The following SCP2 variants were observed in gnomAD, a reference collection of about 807,000 sequenced individuals.
SCP2 encodes SCP-2/3-oxoacyl-CoA thiolase.
Under a neutral mutation model 71.4 loss-of-function variants are expected in SCP2, and 48 were observed. The observed-to-expected ratio is 0.67, with a 90% CI of 0.53 to 0.86. The LOEUF is 0.86. Among genes scored for constraint, SCP2 ranks in the 40% least tolerant of loss-of-function variants. The pLI, the probability that SCP2 is intolerant of heterozygous loss-of-function variation, is 0.00. For missense variants in SCP2, 560 were observed against 655.6 expected, an observed-to-expected ratio of 0.85 and a Z score of 1.59; for synonymous variants, 220 against 218.1, an observed-to-expected ratio of 1.01 and a Z score of -0.08.
At chr1:52,971,863 G>A (rs896678781) in intron 6 of SCP2, among the ~76,000 whole-genome samples, 6 of 152,206 alleles carry the variant, frequency 3.9e-5, no homozygotes, top group Non-Finnish European at 7.3e-5. Context: ...GAAAGGTGGA[G>A]GAAGTTAAAG....
chr1:52,990,578 CAA>C (rs1659388131), intron 11 of SCP2, among the ~76,000 whole-genome samples: 2 of 151,658 alleles, frequency 1.3e-5, no homozygotes, highest in African/African-American at 2.4e-5. Flanking sequence ...ACTAAAAATA[CAA>C]AAAGTTAGCC....
rs74363525 is a variant in SCP2, at chr1:53,039,953, C to T, written c.1468+907C>T. Among the ~76,000 whole-genome samples, 945 of 152,306 alleles carry T rather than the reference C, an allele frequency of 6.2e-3. 15 individuals are homozygous for T. Among genetic ancestry groups the T allele is most frequent in the African/African-American group, 0.022 (908 of 41,560 alleles). On this transcript the variant is annotated intron_variant, in intron 14 of 15. Transcript: ENST00000371514. ...ATTTCTTCTCCCCTCTAAGTATGTA[C>T]TCCTCCTGCTGTTGCAATTGGTAAA...
intron 2 of SCP2, among the ~76,000 whole-genome samples, chr1:52,942,613 GA>G (rs1346895348): frequency 1.4e-5 from 2 of 146,830 alleles, no homozygotes; most frequent in Non-Finnish European, 3.0e-5. Flanking sequence ...TATATATAAA[GA>G]ATTTTTTTTT....
At chr1:52,981,088 C>T (rs770000980) in intron 10 of SCP2, among the ~76,000 whole-genome samples, 11 of 152,116 alleles carry the variant, frequency 7.2e-5, no homozygotes, top group East Asian at 3.9e-4. Context: ...CCTGCCAACA[C>T]GCCCGGCTAA....
intron 1 of SCP2, among the ~76,000 whole-genome samples, chr1:52,932,855 C>G (rs1239349122): frequency 1.3e-5 from 2 of 151,900 alleles, no homozygotes; most frequent in Non-Finnish European, 2.9e-5. Context: ...TACTTCATCC[C>G]TTGGTGCTTG....
intron 13 of SCP2, among the ~76,000 whole-genome samples, chr1:53,030,488 T>C (rs1662457894): frequency 6.6e-6 from 1 of 152,152 alleles, no homozygotes; most frequent in Admixed American, 6.6e-5. Context: ...TGACTATTTT[T>C]TCCTTTTAAA....
At chr1:53,048,005 A>G in intron 15 of SCP2, 68 bp downstream of exon 15, 3 of 1,077,998 alleles carry the variant, frequency 2.8e-6, no homozygotes, top group Non-Finnish European at 4.3e-6. Flanking sequence ...CCATCTCCTG[A>G]CTCAGACTCT....
chr1:52,995,836 G>A, intron 11 of SCP2: 1 of 1,088,892 alleles, frequency 9.2e-7, no homozygotes, highest in Non-Finnish European at 1.4e-6. Context: ...GGTGCATCTT[G>A]GAGCAGTTCA....
At chr1:52,985,592 C>T (rs979953741) in intron 10 of SCP2, among the ~76,000 whole-genome samples, 19 of 152,294 alleles carry the variant, frequency 1.2e-4, no homozygotes, top group African/African-American at 4.3e-4. Flanking sequence ...CAAATCAGTT[C>T]ATTAATTCAT....
chr1:52,930,483 G>A (rs1359551119), intron 1 of SCP2, among the ~76,000 whole-genome samples: 1 of 152,006 alleles, frequency 6.6e-6, no homozygotes, highest in East Asian at 1.9e-4. Flanking sequence ...AAAATTAGCT[G>A]GGCTTAGTGG....
intron 9 of SCP2, among the ~76,000 whole-genome samples, 193 bp downstream of exon 9, chr1:52,978,560 CTTTCT>C (rs1206033095): frequency 6.6e-6 from 1 of 151,998 alleles, no homozygotes; most frequent in Non-Finnish European, 1.5e-5. Flanking sequence ...TTTTGTTGTT[CTTTCT>C]TTTCTTTTCT....
At chr1:53,012,005 A>G (rs1661016204) in intron 11 of SCP2, among the ~76,000 whole-genome samples, 1 of 152,218 alleles carries the variant, frequency 6.6e-6, no homozygotes, top group Admixed American at 6.5e-5. Context: ...CACCAAGGCC[A>G]GCCGTAGAAA....
At position 52,966,184 on chromosome 1, in the gene SCP2, A is replaced by G. The variant is rs562099450; in HGVS notation, c.523+4555A>G. Among the ~76,000 whole-genome samples the G allele has an allele frequency of 2.0e-5, 3 of 152,328 alleles. No individual in the cohort carries two copies. The South Asian group carries it at 6.2e-4, about 32-fold the overall frequency. On this transcript the variant is annotated intron_variant, in intron 6 of 15. Transcript: ENST00000371514. The stretch of plus-strand genomic sequence containing the variant: ...TGTTAAGTAGCAGTGGAAGACAGTA[A>G]GCATCCTTGTCCTGTTCCTGATCTT...
At chr1:52,947,474 T>C (rs1381781182) in intron 2 of SCP2, among the ~76,000 whole-genome samples, 1 of 152,184 alleles carries the variant, frequency 6.6e-6, no homozygotes, top group Non-Finnish European at 1.5e-5. Flanking sequence ...TCCAGTTTAC[T>C]TACATAATTT....
intron 2 of SCP2, among the ~76,000 whole-genome samples, chr1:52,945,137 T>C (rs1240121417): frequency 2.6e-5 from 4 of 152,142 alleles, no homozygotes; most frequent in Non-Finnish European, 4.4e-5. Flanking sequence ...TTAGCATTTT[T>C]CCCCTATGGC....
At chr1:52,995,128 C>G (rs76263475) in intron 11 of SCP2, 1 of 497,154 alleles carries the variant, frequency 2.0e-6, no homozygotes, top group African/African-American at 2.0e-5. Context: ...GGGCTTGCAG[C>G]TGACCCACTC....
At chr1:52,956,158 G>A (rs1655774561) in intron 5 of SCP2, among the ~76,000 whole-genome samples, 1 of 152,072 alleles carries the variant, frequency 6.6e-6, no homozygotes, top group African/African-American at 2.4e-5. Flanking sequence ...CAAAAAATTA[G>A]CCGGGTGTGG....
intron 9 of SCP2, among the ~76,000 whole-genome samples, chr1:52,978,658 G>C (rs531740607): frequency 2.6e-5 from 4 of 152,206 alleles, no homozygotes; most frequent in Non-Finnish European, 4.4e-5. Context: ...CACATCCCAG[G>C]CTCAATCAAT....
chr1:53,003,118 G>C (rs1572171862), intron 11 of SCP2, among the ~76,000 whole-genome samples: 1 of 152,134 alleles, frequency 6.6e-6, no homozygotes, highest in East Asian at 1.9e-4. Context: ...AACTCTATCT[G>C]TGCCAGGACA....
Sources: allele counts gnomAD v4.1 joint callset (sites outside exome capture counted in the v4.1 genomes callset), GRCh38; gene constraint gnomAD v4.1.1; transcripts MANE v1.5; gene names NCBI Gene and HGNC (gene_info 2026-07-23, HGNC 2026-07-21).